The following AP3B1 variants were observed in gnomAD, a reference collection of about 807,000 sequenced individuals.
AP3B1 encodes AP-3 complex subunit beta-1.
AP3B1 carries 61 observed loss-of-function variants against 132.5 expected under a neutral mutation model. The observed-to-expected ratio is 0.46, with a 90% CI of 0.37 to 0.57. The LOEUF (loss-of-function observed/expected upper bound fraction) is 0.57, where lower values mean the gene tolerates loss of function less well. AP3B1 is among the 20% of genes least tolerant of loss of function. The pLI is 0.00. For missense variants in AP3B1, 1,120 were observed against 1,289.4 expected (o/e 0.87, Z 2.01); for synonymous variants, 388 against 438.3 (o/e 0.89, Z 1.43).
At chr5:78,026,987 A>G (rs1193150607) in intron 24 of AP3B1, among the ~76,000 whole-genome samples, 1 of 152,058 alleles carries the variant, frequency 6.6e-6, no homozygotes, top group East Asian at 1.9e-4. Context: ...TGATTGTGAG[A>G]GCTACACGTT....
Position 78,060,661 on chromosome 5 carries a change from G to A in AP3B1, c.2578-21387C>T, listed in dbSNP as rs114023142. On this transcript the variant is annotated intron_variant, in intron 22 of 26. Coordinates refer to ENST00000255194, the MANE Select transcript of AP3B1 (RefSeq NM_003664.5). ...CTGTTTCCATAAGACTATAAGATAG[G>A]ACTCAAAACTGACATCATGACTTAT... Among the ~76,000 whole-genome samples, 710 of 151,934 alleles carry A rather than the reference G, an allele frequency of 4.7e-3. 4 individuals are homozygous for A. The highest frequency in any genetic ancestry group is 0.016 in the African/African-American group (662 of 41,438).
intron 22 of AP3B1, among the ~76,000 whole-genome samples, chr5:78,056,410 G>A (rs571755190): frequency 3.3e-5 from 5 of 152,150 alleles, no homozygotes; most frequent in African/African-American, 1.2e-4. Context: ...TCAATAAAAG[G>A]CATTATTTGG....
chr5:78,238,702 C>T (rs1388367667), intron 3 of AP3B1, among the ~76,000 whole-genome samples: 2 of 151,208 alleles, frequency 1.3e-5, no homozygotes, highest in Non-Finnish European at 2.9e-5. Context: ...TGGAAAAAAA[C>T]TAAAATGAAA....
chr5:78,255,123 A>G (rs1747798148), intron 2 of AP3B1, among the ~76,000 whole-genome samples: 1 of 152,118 alleles, frequency 6.6e-6, no homozygotes, highest in African/African-American at 2.4e-5. Flanking sequence ...AAAACAAAAA[A>G]CTAAATCATA....
chr5:78,247,190 A>G (rs1338654414), intron 2 of AP3B1, among the ~76,000 whole-genome samples: 34 of 151,138 alleles, frequency 2.2e-4, no homozygotes, highest in Non-Finnish European at 4.4e-5. Context: ...ACACACTTGC[A>G]TAATTTTAAT....
intron 22 of AP3B1, chr5:78,043,516 T>C (rs1038776783): frequency 6.3e-6 from 2 of 315,966 alleles, no homozygotes; most frequent in Non-Finnish European, 1.3e-5. Flanking sequence ...GAAAGGGTAA[T>C]GGGATAGGCT....
chr5:78,237,604 T>C (rs1746933230), intron 3 of AP3B1, among the ~76,000 whole-genome samples: 1 of 152,128 alleles, frequency 6.6e-6, no homozygotes, highest in Admixed American at 6.5e-5. Flanking sequence ...GCTCAGGAGT[T>C]CCACACCAGC....
chr5:78,281,434 C>CAAAAAAAAAA (rs36002317), intron 1 of AP3B1, among the ~76,000 whole-genome samples: 1 of 68,254 alleles, frequency 1.5e-5, no homozygotes. Context: ...AACTCTGCCT[C>CAAAAAAAAAA]AAAAAAAAAA....
Position 78,162,910 on chromosome 5 carries a change from A to G in AP3B1, c.1272T>C (p.Thr424=). The G allele has an allele frequency of 1.9e-6, 3 of 1,613,972 alleles. No individual in the cohort carries two copies. Among genetic ancestry groups the G allele is most frequent in the Non-Finnish European group, 2.5e-6 (3 of 1,179,818 alleles). Residue 424 remains threonine (T), a synonymous_variant, in exon 13 of 27, where the codon ACT becomes ACC. Transcript: ENST00000255194. ...TTGCACATCTGCCTATAGTCTGAAT[A>G]GTGGCTGCTGCAAATTGTTTATCCT... The part of the protein sequence containing the change: ...KSQDKQFAAA[T]IQTIGRCATN...
At chr5:78,208,470 T>G (rs989115457) in intron 7 of AP3B1, among the ~76,000 whole-genome samples, 1 of 152,172 alleles carries the variant, frequency 6.6e-6, no homozygotes, top group African/African-American at 2.4e-5. Flanking sequence ...ACATGCATTC[T>G]GGGAAGGAAT....
intron 12 of AP3B1, among the ~76,000 whole-genome samples, chr5:78,165,089 T>C (rs1447699624): frequency 6.6e-6 from 1 of 152,032 alleles, no homozygotes; most frequent in Admixed American, 6.6e-5. Context: ...TGGGGGGAAA[T>C]GCAGCTAGGA....
At position 78,216,036 on chromosome 5, in the gene AP3B1, AAG is replaced by A; in HGVS notation, c.786+17_786+18del. ...ATTCTCTTAGTATACTTGAAAGTGGAAGACTGTTCAACACTTACCTCTTTCCA... is the reference window on the plus strand; with the variant it reads ...ATTCTCTTAGTATACTTGAAAGTGGAACTGTTCAACACTTACCTCTTTCCA... On this transcript the variant is annotated intron_variant, in intron 7 of 26. Coordinates refer to ENST00000255194, the MANE Select transcript of AP3B1 (RefSeq NM_003664.5). 6.2e-7 allele frequency: 1 copy of A among 1,613,370 alleles called. No homozygotes were observed. The highest frequency in any genetic ancestry group is 1.7e-5 in the Admixed American group (1 of 60,008).
At chr5:78,256,300 C>T (rs902178007) in intron 2 of AP3B1, among the ~76,000 whole-genome samples, 2 of 151,508 alleles carry the variant, frequency 1.3e-5, no homozygotes, top group African/African-American at 4.8e-5. Context: ...AGAGAAAAAT[C>T]CAAATAAATA....
chr5:78,003,126 A>T lies in AP3B1; in HGVS notation c.3132-71T>A, dbSNP rs1433689005. 2.0e-6 allele frequency: 3 copies of T among 1,530,304 alleles called. No homozygotes were observed. The East Asian group carries it at 6.8e-5, about 34-fold the overall frequency. 94.8% of individuals were successfully genotyped at this position (1,530,304 alleles called of 1,614,324 possible). A position where few individuals can be genotyped will look rare whatever the true frequency, so the allele number is the denominator to read the frequency against. On this transcript the variant is annotated intron_variant, in intron 26 of 26. Transcript: ENST00000255194. ...TAAAGGAGATAGCATACATTCAAAT[A>T]GGATTAAAATAACTCTTTTTTGTCA... is the stretch of plus-strand genomic sequence containing the variant.
chr5:78,282,377 G>GAA (rs34172654), intron 1 of AP3B1, among the ~76,000 whole-genome samples: 2 of 141,522 alleles, frequency 1.4e-5, no homozygotes, highest in Non-Finnish European at 3.1e-5. Context: ...ACTGAAAATT[G>GAA]AAAAAAAAAA....
intron 22 of AP3B1, among the ~76,000 whole-genome samples, chr5:78,055,904 C>T (rs1366364647): frequency 6.6e-6 from 1 of 152,176 alleles, no homozygotes; most frequent in Non-Finnish European, 1.5e-5. Flanking sequence ...GTGATAATTT[C>T]ATAAGCATAC....
chr5:78,049,076 T>G (rs1748466903), intron 22 of AP3B1, among the ~76,000 whole-genome samples: 1 of 152,226 alleles, frequency 6.6e-6, no homozygotes, highest in Admixed American at 6.5e-5. Context: ...ATAATTTGTT[T>G]TGCATCAAGG....
intron 24 of AP3B1, among the ~76,000 whole-genome samples, chr5:78,028,091 A>C (rs1354769557): frequency 2.0e-5 from 3 of 151,960 alleles, no homozygotes; most frequent in Admixed American, 6.6e-5. Flanking sequence ...GCACCACTGC[A>C]CTCCAGCCTG....
chr5:78,040,987 A>G (rs977973763), intron 22 of AP3B1, among the ~76,000 whole-genome samples: 1 of 152,064 alleles, frequency 6.6e-6, no homozygotes, highest in African/African-American at 2.4e-5. Context: ...AATAATCATC[A>G]CCTCTGGCCA....
Sources: allele counts gnomAD v4.1 joint callset (sites outside exome capture counted in the v4.1 genomes callset), GRCh38; gene constraint gnomAD v4.1.1; transcripts MANE v1.5; gene names NCBI Gene and HGNC (gene_info 2026-07-23, HGNC 2026-07-21).